STARD7: variants seen among roughly 807,000 people sequenced by gnomAD.
STARD7 encodes stAR-related lipid transfer protein 7, mitochondrial.
In STARD7, 30 loss-of-function variants were observed where a neutral mutation model predicts 45.3. The ratio of observed to expected loss-of-function variants is 0.66; its 90% CI spans 0.50 to 0.90. The LOEUF is 0.90. Among genes scored for constraint, STARD7 ranks in the 40% least tolerant of loss-of-function variants. The probability of loss-of-function intolerance (pLI) is 0.00; values close to 1 mark genes in which losing one functional copy is unlikely to be tolerated. For missense variants in STARD7, 495 were observed against 491.3 expected (o/e 1.01, Z -0.07); for synonymous variants, 199 against 183.0 (o/e 1.09, Z -0.70).
At position 96,193,338 on chromosome 2, in the gene STARD7, A is replaced by G. The variant is rs1683155281; in HGVS notation, c.564T>C (p.Tyr188=). 2.5e-6 allele frequency: 4 copies of G among 1,611,946 alleles called. No individual in the cohort carries two copies. Among genetic ancestry groups the G allele is most frequent in the Non-Finnish European group, 3.4e-6 (4 of 1,178,030 alleles). The change falls in exon 4 of 8, where the codon TAT becomes TAC. Residue 188 remains tyrosine (Y), a synonymous_variant. Transcript: ENST00000337288. The part of the protein sequence containing the change: ...QFFNVQLDTE[Y]RKKWDALVIK... ...TTACCAGGGCATCCCATTTTTTTCT[A>G]TACTCTGTGTCCAGCTGCAGAAAGA... is the stretch of plus-strand genomic sequence containing the variant.
intron 5 of STARD7, among the ~76,000 whole-genome samples, 157 bp downstream of exon 5, chr2:96,192,917 ACAGT>A (rs1452092318): frequency 6.6e-6 from 1 of 152,206 alleles, no homozygotes; most frequent in Non-Finnish European, 1.5e-5. Flanking sequence ...TTCTTTCTAG[ACAGT>A]CAGAGTCCCT....
At position 96,208,288 on chromosome 2, in the gene STARD7, G is replaced by A. The variant is rs202015161; in HGVS notation, c.147C>T (p.Tyr49=). 20 of 1,610,642 alleles carry A rather than the reference G, an allele frequency of 1.2e-5. No individual in the cohort carries two copies. In the African/African-American group the frequency reaches 1.9e-4, roughly 15 times the overall value. The change falls in exon 1 of 8, where the codon TAC becomes TAT. Residue 49 remains tyrosine (Y), a synonymous_variant. Transcript: ENST00000337288. ...GGAGAACGCGGCGTGAGCTCTCGGAGTAGAGGCGGCCGTAGAGCTGCGCGA... is the reference window on the plus strand; with the variant it reads ...GGAGAACGCGGCGTGAGCTCTCGGAATAGAGGCGGCCGTAGAGCTGCGCGA... ...QQIAQLYGRL[Y]SESSRRVLLG... is the part of the protein sequence containing the mutation.
chr2:96,201,986 T>G (rs563684127), intron 1 of STARD7, among the ~76,000 whole-genome samples: 1 of 152,300 alleles, frequency 6.6e-6, no homozygotes, highest in Middle Eastern at 3.4e-3. Context: ...GAGGACGTTA[T>G]TTCTTGAAGT....
At chr2:96,192,342 TTA>T (rs1304941677) in intron 6 of STARD7, 25 bp downstream of exon 6, 1 of 1,514,264 alleles carries the variant, frequency 6.6e-7, no homozygotes, top group Non-Finnish European at 9.2e-7. Context: ...CCATGACATG[TTA>T]TCTCTTGGAT....
chr2:96,206,199 C>T (rs1056489323), intron 1 of STARD7, among the ~76,000 whole-genome samples: 20 of 152,032 alleles, frequency 1.3e-4, no homozygotes, highest in Non-Finnish European at 2.8e-4. Flanking sequence ...TATCTTTTTT[C>T]CCCACTAACT....
In STARD7 at chr2:96,187,081, T is replaced by C. The variant is rs541589733; in HGVS notation, c.928+136A>G. ...CCTCCCGGAATGTGTTCCCAAAGCATGGGTTGTGAAAACTCTGTCTCAGAA... is the reference window on the plus strand; with the variant it reads ...CCTCCCGGAATGTGTTCCCAAAGCACGGGTTGTGAAAACTCTGTCTCAGAA... On this transcript the variant is annotated intron_variant, in intron 7 of 7. Transcript: ENST00000337288. 34 of 887,442 alleles carry C rather than the reference T, an allele frequency of 3.8e-5. No homozygotes were observed. In the African/African-American group the frequency reaches 5.2e-4, roughly 13 times the overall value. 55.0% of individuals were successfully genotyped at this position (887,442 alleles called of 1,614,324 possible).
At chr2:96,187,716 G>A (rs2104167435) in intron 6 of STARD7, 1 of 154,362 alleles carries the variant, frequency 6.5e-6, no homozygotes, top group East Asian at 1.9e-4. Context: ...CCAGCACTTT[G>A]GGAGGCCGAG....
intron 6 of STARD7, among the ~76,000 whole-genome samples, chr2:96,191,664 T>C (rs1683127815): frequency 6.6e-6 from 1 of 151,854 alleles, no homozygotes; most frequent in Non-Finnish European, 1.5e-5. Flanking sequence ...TTTTTTTTGT[T>C]TTTTTTTACA....
In STARD7 at chr2:96,186,710, CCTT is replaced by C. The variant is rs757991377; in HGVS notation, c.*17_*19del. On this transcript the variant is annotated 3_prime_UTR_variant, in exon 8 of 8. Transcript: ENST00000337288. ...GAGACAGGGCTAGAAGCACCTTGTCCCTTCTTATCCCAAAGCCTGTCAAGCATA... is the reference window on the plus strand; with the variant it reads ...GAGACAGGGCTAGAAGCACCTTGTCCCTTATCCCAAAGCCTGTCAAGCATA... The C allele has an allele frequency of 6.3e-5, 99 of 1,583,594 alleles. No individual in the cohort carries two copies. The highest frequency in any genetic ancestry group is 8.5e-5 in the Non-Finnish European group (99 of 1,163,946).
chr2:96,189,191 C>G (rs1423704381), intron 6 of STARD7, among the ~76,000 whole-genome samples: 2 of 152,130 alleles, frequency 1.3e-5, no homozygotes, highest in Non-Finnish European at 2.9e-5. Context: ...TAAAGAGATC[C>G]TCCTGCCTCA....
chr2:96,194,592 G>A (rs1169228856), intron 3 of STARD7, among the ~76,000 whole-genome samples: 1 of 152,126 alleles, frequency 6.6e-6, no homozygotes, highest in Non-Finnish European at 1.5e-5. Context: ...TACGGCATAT[G>A]GCTAGTTTTA....
intron 6 of STARD7, chr2:96,187,980 T>A (rs1683063188): frequency 6.9e-6 from 1 of 145,552 alleles, no homozygotes; most frequent in Non-Finnish European, 1.5e-5. Context: ...AATAAATAAA[T>A]AAATTGGGTG....
At chr2:96,204,749 C>CAAAAAAAAAAAAAAAAAAA (rs397959036) in intron 1 of STARD7, among the ~76,000 whole-genome samples, 3 of 96,156 alleles carry the variant, frequency 3.1e-5, no homozygotes, top group South Asian at 3.5e-4. Flanking sequence ...TGACAATGGC[C>CAAAAAAAAAAAAAAAAAAA]AAAAAAAAAA....
intron 1 of STARD7, among the ~76,000 whole-genome samples, chr2:96,197,738 T>C (rs937434751): frequency 5.9e-5 from 9 of 152,224 alleles, no homozygotes; most frequent in Non-Finnish European, 1.0e-4. Context: ...TTCCCATTCC[T>C]GCCTCCTCCC....
Position 96,192,369 on chromosome 2 carries a change from C to T in STARD7, c.843G>A (p.Glu281=). Residue 281 remains glutamate (E), a splice_region_variant and synonymous_variant, in exon 6 of 8, where the codon GAG becomes GAA. Transcript: ENST00000337288. The part of the protein sequence containing the change: ...MVIRPHKSFD[E]NGFDYLLTYS... ...ATCTCTTGGATGAGGTAAAACTCAC[C>T]TCATCAAATGACTTGTGGGGACGGA... 1 of 1,610,736 alleles carries T rather than the reference C, an allele frequency of 6.2e-7. No individual in the cohort carries two copies. Among genetic ancestry groups the T allele is most frequent in the Non-Finnish European group, 8.5e-7 (1 of 1,176,984 alleles).
chr2:96,204,560 G>C (rs957844651), intron 1 of STARD7, among the ~76,000 whole-genome samples: 1 of 152,120 alleles, frequency 6.6e-6, no homozygotes, highest in African/African-American at 2.4e-5. Context: ...GTCCCGGAAG[G>C]GGGCGGGAGG....
chr2:96,195,348 C>T lies in STARD7; in HGVS notation c.492G>A (p.Gln164=). ...TAGCCACACTGGGCTCACCTCGGTA[C>T]TGGTAAAGGTGGGTGCCTGTAATTG... ...RRPITGTHLY[Q]YRVFGTYTDV... The change falls in exon 2 of 8, where the codon CAG becomes CAA. Residue 164 remains glutamine, a synonymous_variant. Transcript: ENST00000337288. The T allele has an allele frequency of 8.9e-6, 14 of 1,570,800 alleles. No homozygotes were observed. The highest frequency in any genetic ancestry group is 1.2e-5 in the Non-Finnish European group (14 of 1,157,832).
intron 6 of STARD7, 58 bp downstream of exon 6, chr2:96,192,311 T>G: frequency 7.7e-7 from 1 of 1,298,500 alleles, no homozygotes; most frequent in Non-Finnish European, 1.1e-6. Flanking sequence ...AGGTAAGACA[T>G]CCCTTGAGAA....
In STARD7 at chr2:96,208,820, A is replaced by G. The variant is rs1472960177; in HGVS notation, c.-386T>C. On this transcript the variant is annotated 5_prime_UTR_variant, in exon 1 of 8. Transcript: ENST00000337288. ...CACGCAAGCTCCCGCGCCTTCCGCG[A>G]CTGCCACACGCGCGGCGCGCGCGCA... 5.0e-6 allele frequency: 2 copies of G among 401,888 alleles called. No homozygotes were observed. Among genetic ancestry groups the G allele is most frequent in the Non-Finnish European group, 8.8e-6 (2 of 226,640 alleles). The allele number at this position is 401,888 out of a possible 1,614,324, so 24.9% of individuals were successfully genotyped here.
Sources: allele counts gnomAD v4.1 joint callset (sites outside exome capture counted in the v4.1 genomes callset), GRCh38; gene constraint gnomAD v4.1.1; transcripts MANE v1.5; gene names NCBI Gene and HGNC (gene_info 2026-07-23, HGNC 2026-07-21).